The following PAPPA2 variants were observed in gnomAD, a reference collection of about 807,000 sequenced individuals.
PAPPA2 encodes the protein pappalysin-2.
Under a neutral mutation model 176.4 loss-of-function variants are expected in PAPPA2, and 86 were observed. That is an observed-to-expected ratio of 0.49 (90% CI 0.41 to 0.58). PAPPA2 has a LOEUF of 0.58. Among genes scored for constraint, PAPPA2 ranks in the 20% least tolerant of loss-of-function variants. The pLI is 0.00. For synonymous variants in PAPPA2, 809 were observed against 852.2 expected (o/e 0.95, Z 0.88); for missense variants, 2,073 against 2,256.9 (o/e 0.92, Z 1.65).
chr1:176,550,957 G>A (rs1650912429), intron 1 of PAPPA2, among the ~76,000 whole-genome samples: 2 of 152,168 alleles, frequency 1.3e-5, no homozygotes, highest in East Asian at 3.9e-4. Context: ...ACAAATGGCT[G>A]GCAAACCAGC....
At chr1:176,825,865 CACAG>C (rs1666842955) in intron 21 of PAPPA2, among the ~76,000 whole-genome samples, 1 of 152,212 alleles carries the variant, frequency 6.6e-6, no homozygotes, top group Non-Finnish European at 1.5e-5. Context: ...GCTCCACCCT[CACAG>C]ACAGAGAACC....
At chr1:176,663,276 A>T (rs895948551) in intron 3 of PAPPA2, among the ~76,000 whole-genome samples, 2 of 152,126 alleles carry the variant, frequency 1.3e-5, no homozygotes, top group African/African-American at 4.8e-5. Flanking sequence ...CTTGAATGTA[A>T]GTGTGCTTTC....
intron 14 of PAPPA2, among the ~76,000 whole-genome samples, chr1:176,762,881 C>G (rs1663761754): frequency 6.6e-6 from 1 of 152,092 alleles, no homozygotes; most frequent in African/African-American, 2.4e-5. Flanking sequence ...AGGAAATAAC[C>G]AGGGCTTAAA....
intron 3 of PAPPA2, among the ~76,000 whole-genome samples, chr1:176,628,219 GA>G (rs34985358): frequency 0.25 from 37,279 of 152,000 alleles, 4,709 homozygotes; most frequent in South Asian, 0.33. Flanking sequence ...GCAAGGGCAG[GA>G]GGGTTCAGAA....
Position 176,509,724 on chromosome 1 carries a change from T to C in PAPPA2, c.-916-45683T>C, listed in dbSNP as rs141667565. 3.8e-4 allele frequency among the ~76,000 whole-genome samples: 58 copies of C among 152,142 alleles called. 1 individual carries two copies. The East Asian group carries it at 9.1e-3, about 24-fold the overall frequency. ...AATATATGCAGGAATATGACTTTGCTGGGCATGGTGAATCACACCTATAAT... is the reference window on the plus strand; with the variant it reads ...AATATATGCAGGAATATGACTTTGCCGGGCATGGTGAATCACACCTATAAT... On this transcript the variant is annotated intron_variant, in intron 1 of 22. Coordinates refer to ENST00000367662, the MANE Select transcript of PAPPA2 (RefSeq NM_020318.3).
At chr1:176,502,027 T>A (rs964318616) in intron 1 of PAPPA2, among the ~76,000 whole-genome samples, 13 of 152,166 alleles carry the variant, frequency 8.5e-5, no homozygotes, top group Non-Finnish European at 1.8e-4. Flanking sequence ...CTGATGTAAG[T>A]TTTTTATTAA....
intron 2 of PAPPA2, among the ~76,000 whole-genome samples, chr1:176,559,099 C>T (rs992342653): frequency 2.9e-4 from 44 of 152,306 alleles, no homozygotes; most frequent in Admixed American, 2.4e-3. Flanking sequence ...TTCTACCTTG[C>T]CCACCTGTCC....
chr1:176,656,341 A>G (rs1456652302), intron 3 of PAPPA2, among the ~76,000 whole-genome samples: 1 of 151,838 alleles, frequency 6.6e-6, no homozygotes, highest in Non-Finnish European at 1.5e-5. Flanking sequence ...AGAGCAGTTT[A>G]TAGGACCTGC....
At chr1:176,621,362 C>T (rs975280478) in intron 3 of PAPPA2, among the ~76,000 whole-genome samples, 1 of 152,072 alleles carries the variant, frequency 6.6e-6, no homozygotes, top group Non-Finnish European at 1.5e-5. Flanking sequence ...CAGATTTTGC[C>T]TTGGGCACAG....
chr1:176,705,129 A>C (rs997003609), intron 9 of PAPPA2, among the ~76,000 whole-genome samples: 1 of 152,200 alleles, frequency 6.6e-6, no homozygotes, highest in African/African-American at 2.4e-5. Flanking sequence ...ACATTAAGGC[A>C]TAAAGTATTT....
At chr1:176,611,749 T>G (rs943771401) in intron 3 of PAPPA2, among the ~76,000 whole-genome samples, 1 of 152,206 alleles carries the variant, frequency 6.6e-6, no homozygotes, top group Non-Finnish European at 1.5e-5. Flanking sequence ...CTTATATTAT[T>G]TCAAGGCTTT....
At chr1:176,558,411 G>A (rs535963664) in intron 2 of PAPPA2, among the ~76,000 whole-genome samples, 2 of 152,284 alleles carry the variant, frequency 1.3e-5, no homozygotes, top group Admixed American at 6.5e-5. Flanking sequence ...GAAAGAAGTC[G>A]GCAAGGAGGG....
At position 176,791,342 on chromosome 1, in the gene PAPPA2, T is replaced by G; in HGVS notation, c.4885-5T>G. On this transcript the variant is annotated splice_polypyrimidine_tract_variant and splice_region_variant and intron_variant, in intron 18 of 22. Coordinates refer to ENST00000367662, the MANE Select transcript of PAPPA2 (RefSeq NM_020318.3). ...TAATTAAGATGTTTACTTTTGATATTCTAGCTTCCCATCCTCTGCACTAAA... is the reference window on the plus strand; with the variant it reads ...TAATTAAGATGTTTACTTTTGATATGCTAGCTTCCCATCCTCTGCACTAAA... 6.2e-7 allele frequency: 1 copy of G among 1,605,252 alleles called. No homozygotes were observed. The highest frequency in any genetic ancestry group is 8.5e-7 in the Non-Finnish European group (1 of 1,173,960).
chr1:176,695,991 T>G (rs1396390739), intron 7 of PAPPA2, 132 bp downstream of exon 7: 2 of 871,302 alleles, frequency 2.3e-6, no homozygotes, highest in Non-Finnish European at 3.3e-6. Context: ...TGTGTGTGTG[T>G]GTGTGTGTGT....
intron 12 of PAPPA2, among the ~76,000 whole-genome samples, chr1:176,737,260 A>G (rs920906014): frequency 4.6e-5 from 7 of 152,116 alleles, no homozygotes; most frequent in African/African-American, 1.7e-4. Context: ...TTTACCAGCA[A>G]ATAAAGAACA....
chr1:176,604,110 C>T (rs1654480087), intron 3 of PAPPA2, among the ~76,000 whole-genome samples: 1 of 152,102 alleles, frequency 6.6e-6, no homozygotes, highest in African/African-American at 2.4e-5. Flanking sequence ...TATTCTTCCT[C>T]CAGATTTCTA....
intron 3 of PAPPA2, among the ~76,000 whole-genome samples, chr1:176,635,423 A>G (rs1296124102): frequency 6.6e-6 from 1 of 152,176 alleles, no homozygotes; most frequent in Admixed American, 6.5e-5. Flanking sequence ...TCTACCCTCA[A>G]ACATTCAGGG....
rs369802446 is a variant in PAPPA2 at position 176,739,966 on chromosome 1, C to T, written c.3935-14C>T. On this transcript the variant is annotated splice_polypyrimidine_tract_variant and intron_variant, in intron 13 of 22. Transcript: ENST00000367662. ...CAATGGCTGAAAATATGATTCATCT[C>T]CGTTTATCTTCAGGAACCTATGGAC... The T allele has an allele frequency of 6.2e-7, 1 of 1,611,640 alleles. No individual in the cohort carries two copies.
intron 4 of PAPPA2, among the ~76,000 whole-genome samples, chr1:176,677,376 C>G (rs1659355321): frequency 6.6e-6 from 1 of 152,158 alleles, no homozygotes; most frequent in Admixed American, 6.6e-5. Context: ...TGGCTTAAGT[C>G]ACTATGTGGA....
Sources: gnomAD v4.1 joint callset for allele counts (sites outside exome capture counted in the v4.1 genomes callset) on GRCh38, gnomAD v4.1.1 for gene constraint, MANE v1.5 for transcripts, NCBI Gene and HGNC (gene_info 2026-07-23, HGNC 2026-07-21) for gene names.